MGST1: variants seen among roughly 807,000 people sequenced by gnomAD.
MGST1 encodes the protein microsomal glutathione S-transferase 1.
MGST1 carries 5 observed loss-of-function variants against 8.9 expected under a neutral mutation model. That is an observed-to-expected ratio of 0.56 (90% CI 0.29 to 1.19). MGST1 has a LOEUF of 1.19. Ranked by LOEUF, MGST1 falls within the 50% of genes most tolerant of loss-of-function variation. The pLI is 0.08. For synonymous variants in MGST1, 54 were observed against 67.8 expected, an observed-to-expected ratio of 0.80 and a Z score of 1.00; for missense variants, 182 against 187.4, an observed-to-expected ratio of 0.97 and a Z score of 0.17.
intron 4 of MGST1, among the ~76,000 whole-genome samples, chr12:16,533,580 T>A (rs1432659887): frequency 6.6e-6 from 1 of 152,182 alleles, no homozygotes; most frequent in African/African-American, 2.4e-5. Flanking sequence ...ATCTGGAGAT[T>A]CCAGGATTGT....
intron 4 of MGST1, among the ~76,000 whole-genome samples, chr12:16,464,432 A>C (rs1591737100): frequency 6.6e-6 from 1 of 152,172 alleles, no homozygotes; most frequent in East Asian, 1.9e-4. Flanking sequence ...ACTGTGATTT[A>C]GTTTCAGATA....
chr12:16,527,687 A>G (rs1050030858), intron 4 of MGST1, among the ~76,000 whole-genome samples: 6 of 152,008 alleles, frequency 3.9e-5, no homozygotes, highest in Non-Finnish European at 5.9e-5. Context: ...AAGACTACCA[A>G]ACTTCAAGTG....
At chr12:16,553,688 T>C (rs1942077272) in intron 4 of MGST1, among the ~76,000 whole-genome samples, 1 of 152,162 alleles carries the variant, frequency 6.6e-6, no homozygotes, top group Non-Finnish European at 1.5e-5. Flanking sequence ...TTACGACTGG[T>C]ATGCAATTAA....
chr12:16,505,938 A>G (rs1486742210), intron 4 of MGST1, among the ~76,000 whole-genome samples: 2 of 152,230 alleles, frequency 1.3e-5, no homozygotes, highest in African/African-American at 4.8e-5. Flanking sequence ...ATTTGTTGCC[A>G]TATAAAAACA....
intron 1 of MGST1, among the ~76,000 whole-genome samples, chr12:16,427,212 G>T (rs1416913981): frequency 6.6e-6 from 1 of 152,082 alleles, no homozygotes; most frequent in African/African-American, 2.4e-5. Flanking sequence ...GGGGCTCAAG[G>T]AAAATGTCCA....
intron 4 of MGST1, among the ~76,000 whole-genome samples, chr12:16,456,848 G>C (rs967517854): frequency 8.6e-5 from 13 of 151,790 alleles, no homozygotes; most frequent in African/African-American, 3.1e-4. Flanking sequence ...TGTCAATTCA[G>C]CTTCTGAAAA....
In MGST1 at chr12:16,497,227, G is replaced by T. The variant is rs992690; in HGVS notation, n.483-92301G>T. On this transcript the variant is annotated intron_variant and non_coding_transcript_variant, in intron 4 of 4. Coordinates refer to the MGST1 transcript ENST00000538857. The surrounding 1 kb of genome is among the most constrained non-coding windows in gnomAD (Gnocchi z 4.4). ...TGAAATCAGATCCCACTGTTCACAC[G>T]CTTTTCCTTTGTTTAACCAAAAATA... Among the ~76,000 whole-genome samples the T allele has an allele frequency of 0.19, 29,631 of 152,068 alleles. 3,102 individuals carry two copies. Among genetic ancestry groups the T allele is most frequent in the Middle Eastern group, 0.36 (105 of 294 alleles).
chr12:16,529,538 A>G (rs192320681), intron 4 of MGST1, among the ~76,000 whole-genome samples: 3 of 152,194 alleles, frequency 2.0e-5, no homozygotes, highest in Non-Finnish European at 4.4e-5. Context: ...ACCTGTCTTT[A>G]CAAATGAAAT....
At chr12:16,504,696 CATT>C (rs1279468298) in intron 4 of MGST1, among the ~76,000 whole-genome samples, 1 of 152,164 alleles carries the variant, frequency 6.6e-6, no homozygotes, top group Non-Finnish European at 1.5e-5. Context: ...AGGACTCACA[CATT>C]AATATTCTTT....
chr12:16,490,969 C>T (rs1157913681), intron 4 of MGST1, among the ~76,000 whole-genome samples: 1 of 152,144 alleles, frequency 6.6e-6, no homozygotes, highest in African/African-American at 2.4e-5. Flanking sequence ...CCATTTATTG[C>T]TTCTCAGCTC....
In MGST1 at chr12:16,401,386, C is replaced by T. The variant is rs2137062973; in HGVS notation, n.778+17782C>T. 1 of 1,120,450 alleles carries T rather than the reference C, an allele frequency of 8.9e-7. No individual in the cohort carries two copies. Among genetic ancestry groups the T allele is most frequent in the South Asian group, 1.2e-5 (1 of 81,172 alleles). 69.4% of individuals were successfully genotyped at this position (1,120,450 alleles called of 1,614,324 possible). A position where few individuals can be genotyped will look rare whatever the true frequency, so the allele number is the denominator to read the frequency against. On this transcript the variant is annotated intron_variant and non_coding_transcript_variant, in intron 1 of 1. Transcript: ENST00000359720. This position sits in a 1 kb window ranked among gnomAD's most constrained non-coding sequence, Gnocchi z 4.3. ...AATTCCCACCCCAAATCCTAGGTTT[C>T]TGGTAATTTTGTTCAGGAGTTCTGG...
intron 4 of MGST1, among the ~76,000 whole-genome samples, chr12:16,453,000 T>A (rs1941142365): frequency 6.6e-6 from 1 of 151,968 alleles, no homozygotes; most frequent in Non-Finnish European, 1.5e-5. Flanking sequence ...TTGATTAAAG[T>A]GTTCCCAATC....
intron 4 of MGST1, among the ~76,000 whole-genome samples, chr12:16,447,181 G>T (rs1680921928): frequency 6.6e-6 from 1 of 151,892 alleles, no homozygotes; most frequent in South Asian, 2.1e-4. Flanking sequence ...TATATCCTGA[G>T]AGGATGGCTC....
intron 2 of MGST1, among the ~76,000 whole-genome samples, chr12:16,354,928 AC>A (rs1939641575): frequency 6.7e-6 from 1 of 150,150 alleles, no homozygotes. Context: ...TATAAGAATG[AC>A]TTTTTTTTTT....
At chr12:16,446,822 G>A (rs1235527141) in intron 4 of MGST1, among the ~76,000 whole-genome samples, 1 of 151,740 alleles carries the variant, frequency 6.6e-6, no homozygotes, top group South Asian at 2.1e-4. Context: ...ACTCCTGATG[G>A]CCTTCTTAAA....
intron 1 of MGST1, among the ~76,000 whole-genome samples, chr12:16,405,258 G>T (rs560786710): frequency 2.0e-5 from 3 of 151,850 alleles, no homozygotes; most frequent in African/African-American, 7.2e-5. Flanking sequence ...CTGGTTTCGT[G>T]GAGAAATTAA....
rs569992742 is a variant in MGST1, at chr12:16,445,780, C to G, written n.482+62176C>G. Among the ~76,000 whole-genome samples the G allele has an allele frequency of 2.0e-5, 3 of 151,990 alleles. No individual in the cohort carries two copies. The East Asian group carries it at 5.9e-4, about 30-fold the overall frequency. On this transcript the variant is annotated intron_variant and non_coding_transcript_variant, in intron 4 of 4. Coordinates refer to the MGST1 transcript ENST00000538857. ...TAACCTGAAGTTATTCCTCCAGAAT[C>G]TATCTAGTTTGGGCAAGGACTACTT...
At chr12:16,374,787 A>G (rs1286558845) in intron 3 of MGST1, among the ~76,000 whole-genome samples, 3 of 152,148 alleles carry the variant, frequency 2.0e-5, no homozygotes, top group East Asian at 1.9e-4. Flanking sequence ...AAAAATCTCT[A>G]TATGTTACTA....
At position 16,547,567 on chromosome 12, in the gene MGST1, C is replaced by A. The variant is rs540210521; in HGVS notation, n.483-41961C>A. On this transcript the variant is annotated intron_variant and non_coding_transcript_variant, in intron 4 of 4. Transcript: ENST00000538857. This position sits in a 1 kb window ranked among gnomAD's most constrained non-coding sequence, Gnocchi z 4.6. ...GTTAAAGTTATTTGATCTAGGCCAACCCTAAGTCTGCCCAACAGGAGGCTG... is the reference window on the plus strand; with the variant it reads ...GTTAAAGTTATTTGATCTAGGCCAAACCTAAGTCTGCCCAACAGGAGGCTG... Among the ~76,000 whole-genome samples the A allele has an allele frequency of 6.6e-6, 1 of 152,228 alleles. No individual in the cohort carries two copies. Among genetic ancestry groups the A allele is most frequent in the Non-Finnish European group, 1.5e-5 (1 of 67,994 alleles).
Sources: gnomAD v4.1 joint callset for allele counts (sites outside exome capture counted in the v4.1 genomes callset) on GRCh38, gnomAD v4.1.1 for gene constraint, Gnocchi (gnomAD v3.1) non-coding constraint, MANE v1.5 for transcripts, NCBI Gene and HGNC (gene_info 2026-07-23, HGNC 2026-07-21) for gene names.